RPS19: variants seen among roughly 807,000 people sequenced by gnomAD.
RPS19 encodes the protein ribosomal protein S19.
In RPS19, 1 loss-of-function variant was observed where a neutral mutation model predicts 20.3. The ratio of observed to expected loss-of-function variants is 0.05; its 90% CI spans 0.02 to 0.23. The LOEUF (loss-of-function observed/expected upper bound fraction) is 0.23. RPS19 is among the 10% of genes least tolerant of loss of function. The pLI, the probability that RPS19 is intolerant of heterozygous loss-of-function variation, is 1.00. For synonymous variants in RPS19, 87 were observed against 74.8 expected, an observed-to-expected ratio of 1.16 and a Z score of -0.84; for missense variants, 111 against 192.7, an observed-to-expected ratio of 0.58 and a Z score of 2.51.
At chr19:41,868,979 T>C (rs1323824113) in intron 3 of RPS19, 52 bp from the exon 4 acceptor site, 2 of 1,563,638 alleles carry the variant, frequency 1.3e-6, no homozygotes, top group East Asian at 2.2e-5. Flanking sequence ...AGGAATTGTT[T>C]ACCTGAGACC....
rs1555839000 is a variant in RPS19 at position 41,860,757 on chromosome 19, C to G, written c.1-18C>G. 6.2e-7 allele frequency: 1 copy of G among 1,605,190 alleles called. No individual in the cohort carries two copies. The highest frequency in any genetic ancestry group is 2.2e-5 in the East Asian group (1 of 44,852). ...TCTCTGCCAGGCCTGTGTTCACATG[C>G]TTGACTTTCTCCCTCAGATGCCTGG... On this transcript the variant is annotated intron_variant, in intron 1 of 5. Coordinates refer to ENST00000598742, the MANE Select transcript of RPS19 (RefSeq NM_001022.4).
intron 2 of RPS19, 62 bp downstream of exon 2, chr19:41,860,907 G>A (rs1362043183): frequency 2.7e-5 from 39 of 1,450,272 alleles, no homozygotes; most frequent in Non-Finnish European, 2.9e-6. Flanking sequence ...GCCCATCTGA[G>A]CCCCAGTGTT....
At chr19:41,863,957 C>T (rs2123267879) in intron 3 of RPS19, 1 of 151,978 alleles carries the variant, frequency 6.6e-6, no homozygotes, top group East Asian at 1.9e-4. Context: ...ATTCTCCTAC[C>T]TCAGCCTCCC....
At chr19:41,869,311 A>G in intron 4 of RPS19, 97 bp downstream of exon 4, 1 of 1,153,196 alleles carries the variant, frequency 8.7e-7, no homozygotes, top group South Asian at 1.5e-5. Context: ...CCAGCCCCTC[A>G]GGCCCCTCCT....
At chr19:41,861,926 G>A (rs540946710) in intron 3 of RPS19, among the ~76,000 whole-genome samples, 6 of 152,296 alleles carry the variant, frequency 3.9e-5, no homozygotes, top group Admixed American at 1.3e-4. Flanking sequence ...TAGTTCTCAC[G>A]TGTCTTAATA....
intron 3 of RPS19, among the ~76,000 whole-genome samples, chr19:41,863,189 T>A (rs2074051169): frequency 6.6e-6 from 1 of 152,084 alleles, no homozygotes; most frequent in Admixed American, 6.6e-5. Context: ...GCCTAGCTAA[T>A]TTTTTTTATT....
intron 3 of RPS19, chr19:41,864,044 T>C (rs782539857): frequency 6.6e-6 from 1 of 152,174 alleles, no homozygotes; most frequent in Non-Finnish European, 1.5e-5. Context: ...GTTTTCACCA[T>C]GTTGGCTGGG....
chr19:41,860,740 A>G (rs2074019417), intron 1 of RPS19, 35 bp from the exon 2 acceptor site: 2 of 1,529,088 alleles, frequency 1.3e-6, no homozygotes, highest in Non-Finnish European at 1.8e-6. Context: ...CGTCTCTGCC[A>G]GGCCTGTGTT....
chr19:41,860,577 C>T (rs1314713042), intron 1 of RPS19, 198 bp from the exon 2 acceptor site: 5 of 650,202 alleles, frequency 7.7e-6, no homozygotes, highest in African/African-American at 1.8e-5. Context: ...TCTGTTAGTG[C>T]GATCCAGAGA....
intron 3 of RPS19, among the ~76,000 whole-genome samples, chr19:41,867,559 G>T (rs955835154): frequency 6.6e-6 from 1 of 152,190 alleles, no homozygotes; most frequent in African/African-American, 2.4e-5. Context: ...TGATTCTCCC[G>T]CCTCAGCCTC....
chr19:41,864,090 C>T (rs2074060733), intron 3 of RPS19: 1 of 152,252 alleles, frequency 6.6e-6, no homozygotes, highest in Non-Finnish European at 1.5e-5. Flanking sequence ...ATCCGCCCGC[C>T]TCGGCCTCCC....
At chr19:41,866,131 T>G (rs1216720718) in intron 3 of RPS19, among the ~76,000 whole-genome samples, 1 of 151,542 alleles carries the variant, frequency 6.6e-6, no homozygotes. Flanking sequence ...CGTGTGCCTG[T>G]AGTCCCAGCT....
rs782143466 is a variant in RPS19, at chr19:41,871,412, C to T, written c.*35C>T. 34 of 1,601,408 alleles carry T rather than the reference C, an allele frequency of 2.1e-5. No individual in the cohort carries two copies. In the Admixed American group the frequency reaches 3.8e-4, roughly 18 times the overall value. On this transcript the variant is annotated 3_prime_UTR_variant, in exon 6 of 6. Coordinates refer to ENST00000598742, the MANE Select transcript of RPS19 (RefSeq NM_001022.4). ...TGCTGGGTTAATAAATTGCCTCATTCGTAATCCTGGTCTGGGTCTCTTTTT... is the reference window on the plus strand; with the variant it reads ...TGCTGGGTTAATAAATTGCCTCATTTGTAATCCTGGTCTGGGTCTCTTTTT...
chr19:41,868,778 C>T (rs61762291), intron 3 of RPS19, among the ~76,000 whole-genome samples: 1 of 152,036 alleles, frequency 6.6e-6, no homozygotes, highest in Non-Finnish European at 1.5e-5. Context: ...AGCAGTGCTG[C>T]TGGGATAGTA....
Position 41,860,502 on chromosome 19 carries a change from G to GAGTTACTGTAAAAGACGTGAACCAGCA in RPS19, c.-1+213_-1+214insAGTTACTGTAAAAGACGTGAACCAGCA. ...CCGGGGGGCAGCGGCGGGGTGCGTG[G>GAGTTACTGTAAAAGACGTGAACCAGCA]GGCGTCCGGAGTCCCGGGGCTGGGG... On this transcript the variant is annotated intron_variant, in intron 1 of 5. Transcript: ENST00000598742. 2 of 504,972 alleles carry GAGTTACTGTAAAAGACGTGAACCAGCA rather than the reference G, an allele frequency of 4.0e-6. 1 individual carries two copies. The highest frequency in any genetic ancestry group is 7.2e-5 in the East Asian group (2 of 27,814). The allele number at this position is 504,972 out of a possible 1,614,324, so 31.3% of individuals were successfully genotyped here.
intron 3 of RPS19, among the ~76,000 whole-genome samples, chr19:41,863,541 G>A (rs2074054653): frequency 1.3e-5 from 2 of 152,316 alleles, no homozygotes; most frequent in East Asian, 1.9e-4. Context: ...GCTAAAGTGT[G>A]CTAAAGCAGC....
At chr19:41,860,694 CG>C in intron 1 of RPS19, 80 bp from the exon 2 acceptor site, 1 of 1,043,276 alleles carries the variant, frequency 9.6e-7, no homozygotes, top group South Asian at 1.3e-5. Context: ...TGCGCTGGAG[CG>C]AAAGGATTGG....
At chr19:41,867,385 C>G (rs1464446754) in intron 3 of RPS19, among the ~76,000 whole-genome samples, 1 of 152,200 alleles carries the variant, frequency 6.6e-6, no homozygotes, top group Admixed American at 6.5e-5. Context: ...CTAACTGCAA[C>G]CTCTGCCTCC....
intron 5 of RPS19, among the ~76,000 whole-genome samples, chr19:41,870,849 CTTTTTTTTTTTTTTT>C (rs35987051): frequency 1.1e-4 from 5 of 43,964 alleles, no homozygotes; most frequent in Admixed American, 3.4e-4. Context: ...CACTCCCTTC[CTTTTTTTTTTTTTTT>C]TTTTTTTTTT....
Sources: allele counts gnomAD v4.1 joint callset (sites outside exome capture counted in the v4.1 genomes callset), GRCh38; gene constraint gnomAD v4.1.1; transcripts MANE v1.5; gene names NCBI Gene and HGNC (gene_info 2026-07-23, HGNC 2026-07-21).